Variants in THOC7 observed in about 807,000 individuals in gnomAD.
The protein encoded by THOC7 is THO complex subunit 7.
A neutral mutation model predicts 33.1 loss-of-function variants in THOC7; 22 were observed. That is an observed-to-expected ratio of 0.66 (90% CI 0.47 to 0.95). The LOEUF is 0.95. Among genes scored for constraint, THOC7 ranks in the 40% least tolerant of loss-of-function variants. THOC7 has a pLI of 0.00. For missense variants in THOC7, 184 were observed against 245.3 expected (o/e 0.75, Z 1.67); for synonymous variants, 77 against 76.8 (o/e 1.00, Z -0.01).
Position 63,838,031 on chromosome 3 carries a change from A to C in THOC7, c.297T>G (p.Ile99Met). ...GAAGAATTTGCTTTTTGCACTCAGCAATTTTTTCATGTGCTCCAGCTATGC... is the reference window on the plus strand; with the variant it reads ...GAAGAATTTGCTTTTTGCACTCAGCCATTTTTTCATGTGCTCCAGCTATGC... Reference protein sequence around the residue: ...ECSIAGAHEKIAECKKQILQA... With the variant: ...ECSIAGAHEKMAECKKQILQA... Residue 99 changes from isoleucine to methionine, a missense_variant, in exon 4 of 8, where the codon ATT (isoleucine) becomes ATG (methionine). Transcript: ENST00000295899. 1 of 1,609,578 alleles carries C rather than the reference A, an allele frequency of 6.2e-7. No individual in the cohort carries two copies. Among genetic ancestry groups the C allele is most frequent in the Non-Finnish European group, 8.5e-7 (1 of 1,178,348 alleles).
chr3:63,837,898 C>T, intron 4 of THOC7, 78 bp downstream of exon 4: 3 of 1,313,496 alleles, frequency 2.3e-6, no homozygotes, highest in Non-Finnish European at 3.1e-6. Context: ...GCAGATTTTA[C>T]CTCACAACAT....
chr3:63,839,970 A>G (rs1344302593), intron 1 of THOC7, among the ~76,000 whole-genome samples, 197 bp from the exon 2 acceptor site: 1 of 152,208 alleles, frequency 6.6e-6, no homozygotes, highest in Non-Finnish European at 1.5e-5. Context: ...GTTATTGTAT[A>G]TAATAAAAAA....
At chr3:63,841,932 ATT>A in intron 1 of THOC7, among the ~76,000 whole-genome samples, 1 of 151,894 alleles carries the variant, frequency 6.6e-6, no homozygotes, top group Non-Finnish European at 1.5e-5. Flanking sequence ...AAGAAATACC[ATT>A]TTTTTTGCTA....
upstream of THOC7, chr3:63,864,375 T>A (rs1015380940): frequency 1.3e-5 from 2 of 151,166 alleles, no homozygotes; most frequent in African/African-American, 4.9e-5. Context: ...GGACTAGGGG[T>A]ACCGAGGGGG....
At chr3:63,858,868 T>TA (rs745770216) in intron 1 of THOC7, among the ~76,000 whole-genome samples, 24 of 152,194 alleles carry the variant, frequency 1.6e-4, no homozygotes, top group Non-Finnish European at 3.2e-4. Flanking sequence ...ATATCCAGTC[T>TA]AGTAGCTATA....
intron 4 of THOC7, among the ~76,000 whole-genome samples, chr3:63,836,999 T>C (rs1701648082): frequency 6.6e-6 from 1 of 151,952 alleles, no homozygotes; most frequent in Non-Finnish European, 1.5e-5. Flanking sequence ...AGTTGGTATA[T>C]GTTACTGTAA....
rs1255188989 is a variant in THOC7 at position 63,836,361 on chromosome 3, G to C, written c.353-3C>G. Reference sequence around the variant, plus strand: ...CACTTTTGCCAAAGCATCATATTCTGTAAGACATAAAAATATTTATCAAAC... The same window carrying C: ...CACTTTTGCCAAAGCATCATATTCTCTAAGACATAAAAATATTTATCAAAC... On this transcript the variant is annotated splice_region_variant and splice_polypyrimidine_tract_variant and intron_variant, in intron 4 of 7. Coordinates refer to ENST00000295899, the MANE Select transcript of THOC7 (RefSeq NM_025075.4). 1 of 1,611,468 alleles carries C rather than the reference G, an allele frequency of 6.2e-7. No homozygotes were observed. Among genetic ancestry groups the C allele is most frequent in the South Asian group, 1.1e-5 (1 of 90,840 alleles).
intron 1 of THOC7, among the ~76,000 whole-genome samples, chr3:63,856,652 T>TAA (rs528283759): frequency 4.8e-4 from 73 of 152,312 alleles, no homozygotes; most frequent in African/African-American, 1.3e-3. Flanking sequence ...ACGTAACACT[T>TAA]AAATATGCTA....
chr3:63,856,919 C>T (rs908948298), intron 1 of THOC7, among the ~76,000 whole-genome samples: 2 of 152,128 alleles, frequency 1.3e-5, no homozygotes, highest in African/African-American at 2.4e-5. Flanking sequence ...GGGGTTTCAC[C>T]GTGTTAGCCA....
At chr3:63,862,289 T>C (rs970006166) in intron 1 of THOC7, among the ~76,000 whole-genome samples, 4 of 152,242 alleles carry the variant, frequency 2.6e-5, no homozygotes, top group African/African-American at 7.2e-5. Flanking sequence ...TATCTATTTA[T>C]TCTTCAAAAA....
At position 63,839,762 on chromosome 3, in the gene THOC7, G is replaced by A. The variant is rs779216036; in HGVS notation, c.31C>T (p.Arg11Trp). MGAVTDDEVI[R>W]KRLLIDGDGA... is the part of the protein sequence containing the mutation. ...TCTCCATCAATGAGGAGACGCTTCC[G>A]TATAACTTCGTCTGCAGGAAAGAAG... Residue 11 changes from arginine to tryptophan, a missense_variant, in exon 2 of 8, where the codon CGG (arginine) becomes TGG (tryptophan). Physicochemically the swap from Arg to Trp is moderately radical, Grantham distance 101 (BLOSUM62 -3). Transcript: ENST00000295899. 1.9e-6 allele frequency: 3 copies of A among 1,613,234 alleles called. No homozygotes were observed. Among genetic ancestry groups the A allele is most frequent in the Non-Finnish European group, 2.5e-6 (3 of 1,179,848 alleles).
intron 1 of THOC7, chr3:63,844,890 GA>G (rs1701853511): frequency 2.0e-6 from 1 of 511,826 alleles, no homozygotes; most frequent in South Asian, 3.4e-5. Context: ...GAGTAAGACG[GA>G]AAATTGTACT....
intron 1 of THOC7, among the ~76,000 whole-genome samples, chr3:63,849,166 C>T (rs948181760): frequency 6.6e-6 from 1 of 152,142 alleles, no homozygotes; most frequent in Non-Finnish European, 1.5e-5. Flanking sequence ...GCGGGTGGAT[C>T]ATCTGAGGTC....
chr3:63,852,204 G>A (rs1047930812), intron 1 of THOC7, among the ~76,000 whole-genome samples: 3 of 152,176 alleles, frequency 2.0e-5, no homozygotes, highest in Admixed American at 6.5e-5. Context: ...GATCCGCCTA[G>A]ATTTCAAAGG....
In THOC7 at chr3:63,846,174, A is replaced by G. The variant is rs750734393; in HGVS notation, c.20-6401T>C. 7.8e-5 allele frequency: 35 copies of G among 447,108 alleles called. No individual in the cohort carries two copies. In the Admixed American group the frequency reaches 8.2e-4, roughly 11 times the overall value. 27.7% of individuals were successfully genotyped at this position (447,108 alleles called of 1,614,324 possible). ...TTCTTTGCCTGAATATTTACAATCT[A>G]CTACTAAATATTCAGTCTGCTTTGT... On this transcript the variant is annotated intron_variant, in intron 1 of 7. Coordinates refer to ENST00000295899, the MANE Select transcript of THOC7 (RefSeq NM_025075.4).
At chr3:63,853,614 A>C (rs1231658439) in intron 1 of THOC7, among the ~76,000 whole-genome samples, 2 of 152,230 alleles carry the variant, frequency 1.3e-5, no homozygotes, top group African/African-American at 4.8e-5. Flanking sequence ...TGTTTATGTT[A>C]AATTTAATTC....
chr3:63,850,656 G>A (rs990946884), intron 1 of THOC7, among the ~76,000 whole-genome samples: 4 of 140,850 alleles, frequency 2.8e-5, no homozygotes, highest in African/African-American at 1.1e-4. Context: ...GCACAATCTC[G>A]GCTCACTGCA....
intron 1 of THOC7, among the ~76,000 whole-genome samples, chr3:63,860,482 A>G (rs1266158578): frequency 6.6e-6 from 1 of 152,222 alleles, no homozygotes; most frequent in African/African-American, 2.4e-5. Context: ...TTTCATTTAT[A>G]AAGACCTCAA....
rs537467787 is a variant in THOC7, at chr3:63,836,045, A to G, written c.410+256T>C. Among the ~76,000 whole-genome samples, 131 of 152,162 alleles carry G rather than the reference A, an allele frequency of 8.6e-4. 3 individuals carry two copies. The South Asian group carries it at 0.025, about 29-fold the overall frequency. Reference sequence around the variant, plus strand: ...TTATTCTTTTTAACTGAAATTCAATATTTTAATATATGAAGACCATATTCT... The same window carrying G: ...TTATTCTTTTTAACTGAAATTCAATGTTTTAATATATGAAGACCATATTCT... On this transcript the variant is annotated intron_variant, in intron 5 of 7. Transcript: ENST00000295899.
Sources: gnomAD v4.1 joint callset for allele counts (sites outside exome capture counted in the v4.1 genomes callset) on GRCh38, gnomAD v4.1.1 for gene constraint, MANE v1.5 for transcripts, NCBI Gene and HGNC (gene_info 2026-07-23, HGNC 2026-07-21) for gene names.